Variants in MPDZ observed in about 807,000 individuals in gnomAD.
MPDZ encodes multiple PDZ domain crumbs cell polarity complex component, also known as multiple PDZ domain protein.
Under a neutral mutation model 239.1 loss-of-function variants are expected in MPDZ, and 234 were observed. The ratio of observed to expected loss-of-function variants is 0.98; its 90% CI spans 0.88 to 1.09. The LOEUF is 1.09. Among genes scored for constraint, MPDZ ranks in the 50% least tolerant of loss-of-function variants. The probability of loss-of-function intolerance (pLI) is 0.00; values close to 1 mark genes in which losing one functional copy is unlikely to be tolerated. For synonymous variants in MPDZ, 1,048 were observed against 881.3 expected, an observed-to-expected ratio of 1.19 and a Z score of -3.35; for missense variants, 3,175 against 2,510.0, an observed-to-expected ratio of 1.26 and a Z score of -5.66.
At chr9:13,155,328 A>T (rs1445866884) in intron 24 of MPDZ, among the ~76,000 whole-genome samples, 3 of 152,198 alleles carry the variant, frequency 2.0e-5, no homozygotes, top group African/African-American at 7.2e-5. Context: ...ACTTCTGGAT[A>T]TATTCCCTAG....
chr9:13,223,112 T>C (rs2136333297), intron 5 of MPDZ, among the ~76,000 whole-genome samples: 1 of 152,148 alleles, frequency 6.6e-6, no homozygotes, highest in South Asian at 2.1e-4. Context: ...ATACAAATAC[T>C]ATACCACTTT....
At chr9:13,206,396 C>T (rs923540362) in intron 10 of MPDZ, among the ~76,000 whole-genome samples, 7 of 151,440 alleles carry the variant, frequency 4.6e-5, no homozygotes, top group Non-Finnish European at 4.4e-5. Flanking sequence ...CCTTTTTTTT[C>T]CCTTTTTGTT....
chr9:13,235,406 T>C (rs1295399608), intron 3 of MPDZ, among the ~76,000 whole-genome samples: 1 of 152,174 alleles, frequency 6.6e-6, no homozygotes, highest in African/African-American at 2.4e-5. Flanking sequence ...GCATCTAAAA[T>C]GTCTTAAACA....
rs1945175189 is a variant in MPDZ, at chr9:13,126,691, C to A, written c.4546G>T (p.Val1516Leu). 1.9e-6 allele frequency: 3 copies of A among 1,613,586 alleles called. No individual in the cohort carries two copies. Among genetic ancestry groups the A allele is most frequent in the Non-Finnish European group, 2.5e-6 (3 of 1,179,704 alleles). ...VIIKSLTEHGVAATDGRLKVG... is the reference protein window; with the variant it reads ...VIIKSLTEHGLAATDGRLKVG... ...AAGGTAAACCTCACCGTGGCTGCTACCCCATGCTCTGTTAAGCTCTTTATG... is the reference window on the plus strand; with the variant it reads ...AAGGTAAACCTCACCGTGGCTGCTAACCCATGCTCTGTTAAGCTCTTTATG... Residue 1516 changes from valine to leucine, a missense_variant, in exon 33 of 47, where the codon GTA becomes TTA. By Grantham distance (32) the Val-to-Leu change is conservative (BLOSUM62 1). Coordinates refer to ENST00000319217, the MANE Select transcript of MPDZ (RefSeq NM_001378778.1).
At chr9:13,197,613 G>T (rs932694276) in intron 12 of MPDZ, among the ~76,000 whole-genome samples, 1 of 151,824 alleles carries the variant, frequency 6.6e-6, no homozygotes, top group Non-Finnish European at 1.5e-5. Flanking sequence ...GTGTGTGTTG[G>T]GAACATTCCA....
chr9:13,248,482 T>TA (rs952333258), intron 2 of MPDZ, among the ~76,000 whole-genome samples: 2 of 152,106 alleles, frequency 1.3e-5, no homozygotes, highest in African/African-American at 4.8e-5. Flanking sequence ...CAAGCATACT[T>TA]ACGCCAGACA....
At chr9:13,273,431 T>C (rs1036007942) in intron 1 of MPDZ, among the ~76,000 whole-genome samples, 2 of 152,194 alleles carry the variant, frequency 1.3e-5, no homozygotes, top group Non-Finnish European at 2.9e-5. Context: ...TGAAGCAAGG[T>C]ATCCTATGGA....
chr9:13,251,128 CAAAAAAAAAAAA>C (rs150252589), intron 1 of MPDZ, among the ~76,000 whole-genome samples: 4 of 36,448 alleles, frequency 1.1e-4, no homozygotes, highest in South Asian at 1.6e-3. Flanking sequence ...GACTCCATCT[CAAAAAAAAAAAA>C]AAAAAAAAAA....
chr9:13,159,285 C>A (rs1331671), intron 23 of MPDZ, among the ~76,000 whole-genome samples: 151,664 of 152,222 alleles, frequency 1, 75,555 homozygotes, highest in Middle Eastern at 1. Flanking sequence ...AATAAAATCT[C>A]TTTGCTATAG....
At chr9:13,251,306 T>G (rs1967947056) in intron 1 of MPDZ, among the ~76,000 whole-genome samples, 1 of 152,158 alleles carries the variant, frequency 6.6e-6, no homozygotes, top group Admixed American at 6.5e-5. Flanking sequence ...CTGACTATAA[T>G]GTTCTCCTCT....
intron 46 of MPDZ, among the ~76,000 whole-genome samples, chr9:13,107,970 T>A (rs1243521336): frequency 6.6e-6 from 1 of 152,184 alleles, no homozygotes; most frequent in Non-Finnish European, 1.5e-5. Context: ...GTTTGTATTT[T>A]TGGACATACC....
intron 30 of MPDZ, 37 bp downstream of exon 30, chr9:13,136,675 A>G (rs768048272): frequency 9.9e-6 from 13 of 1,311,848 alleles, no homozygotes; most frequent in East Asian, 7.3e-5. Context: ...AATGCTAACA[A>G]AAAGTATTTG....
intron 19 of MPDZ, among the ~76,000 whole-genome samples, chr9:13,180,657 A>G (rs1953172340): frequency 6.6e-6 from 1 of 152,226 alleles, no homozygotes; most frequent in South Asian, 2.1e-4. Context: ...AGGGAAAAGG[A>G]GTAAAATGAT....
chr9:13,175,697 T>C (rs1262922507), intron 21 of MPDZ, 55 bp downstream of exon 21: 5 of 1,500,742 alleles, frequency 3.3e-6, no homozygotes, highest in Non-Finnish European at 4.5e-6. Flanking sequence ...TGTTCAATAT[T>C]TCCCCTTGTC....
At position 13,147,611 on chromosome 9, in the gene MPDZ, T is replaced by C. The variant is rs959375093; in HGVS notation, c.3678A>G (p.Glu1226=). 1.8e-5 allele frequency: 29 copies of C among 1,612,350 alleles called. No homozygotes were observed. The highest frequency in any genetic ancestry group is 2.4e-5 in the Non-Finnish European group (28 of 1,178,836). Reference sequence around the variant, plus strand: ...CAGGGTTGCCTGCTTTCCGAATGGCTTCCACAGCTTGTTCATGGCTTGCAT... The same window carrying C: ...CAGGGTTGCCTGCTTTCCGAATGGCCTCCACAGCTTGTTCATGGCTTGCAT... ...LRDASHEQAV[E]AIRKAGNPVV... Residue 1226 remains glutamate, a synonymous_variant, in exon 26 of 47, where the codon GAA becomes GAG. Coordinates refer to ENST00000319217, the MANE Select transcript of MPDZ (RefSeq NM_001378778.1).
At chr9:13,220,191 C>T (rs994739356) in intron 7 of MPDZ, among the ~76,000 whole-genome samples, 2 of 151,948 alleles carry the variant, frequency 1.3e-5, no homozygotes, top group Non-Finnish European at 2.9e-5. Context: ...ATATTAATAT[C>T]ACAACTTTCT....
intron 1 of MPDZ, among the ~76,000 whole-genome samples, chr9:13,260,598 T>C (rs1410175809): frequency 2.6e-5 from 4 of 152,178 alleles, no homozygotes; most frequent in Admixed American, 1.3e-4. Flanking sequence ...GAAACAGGTC[T>C]TTTAGGAAAC....
At chr9:13,216,480 C>A (rs1048665853) in intron 10 of MPDZ, among the ~76,000 whole-genome samples, 1 of 150,574 alleles carries the variant, frequency 6.6e-6, no homozygotes, top group Non-Finnish European at 1.5e-5. Context: ...CTGCAAGGAA[C>A]GTATAAGTGT....
chr9:13,149,756 C>T (rs1454519889), intron 25 of MPDZ, among the ~76,000 whole-genome samples: 1 of 151,958 alleles, frequency 6.6e-6, no homozygotes, highest in Non-Finnish European at 1.5e-5. Flanking sequence ...TTGAACTTTG[C>T]TTTGAATTAA....
Sources: gnomAD v4.1 joint callset for allele counts (sites outside exome capture counted in the v4.1 genomes callset) on GRCh38, gnomAD v4.1.1 for gene constraint, MANE v1.5 for transcripts, NCBI Gene and HGNC (gene_info 2026-07-23, HGNC 2026-07-21) for gene names.